Variants in RHOJ observed in about 807,000 individuals in gnomAD.
RHOJ encodes rho-related GTP-binding protein RhoJ.
In RHOJ, 11 loss-of-function variants were observed where a neutral mutation model predicts 23.4. That is an observed-to-expected ratio of 0.47 (90% confidence interval 0.30 to 0.78). The LOEUF is 0.78. RHOJ is among the 30% of genes least tolerant of loss of function. The pLI, the probability that RHOJ is intolerant of heterozygous loss-of-function variation, is 0.08. For missense variants in RHOJ, 254 were observed against 273.4 expected, an observed-to-expected ratio of 0.93 and a Z score of 0.50; for synonymous variants, 102 against 102.7, an observed-to-expected ratio of 0.99 and a Z score of 0.04.
At chr14:63,205,147 G>T in intron 1 of RHOJ, 100 bp downstream of exon 1, 1 of 1,298,744 alleles carries the variant, frequency 7.7e-7, no homozygotes, top group Non-Finnish European at 1.1e-6. Context: ...TCAGTATTGG[G>T]TGCGGGCCTG....
intron 1 of RHOJ, among the ~76,000 whole-genome samples, chr14:63,224,984 G>A (rs1003301376): frequency 8.8e-5 from 12 of 135,594 alleles, no homozygotes; most frequent in Non-Finnish European, 1.5e-4. Flanking sequence ...ATGGGGTCTC[G>A]CCTTGTGGCC....
chr14:63,281,196 A>G, intron 3 of RHOJ, 61 bp downstream of exon 3: 5 of 1,485,884 alleles, frequency 3.4e-6, no homozygotes, highest in Non-Finnish European at 4.5e-6. Context: ...CCCTTTAGGT[A>G]CCTCGTGAAC....
intron 1 of RHOJ, among the ~76,000 whole-genome samples, chr14:63,243,678 C>G (rs1312536977): frequency 3.9e-5 from 6 of 152,102 alleles, no homozygotes; most frequent in African/African-American, 1.4e-4. Flanking sequence ...AGGAGTTAAC[C>G]CCATGACCAA....
chr14:63,233,782 G>A (rs1278286313), intron 1 of RHOJ, among the ~76,000 whole-genome samples: 3 of 152,106 alleles, frequency 2.0e-5, no homozygotes, highest in Non-Finnish European at 4.4e-5. Flanking sequence ...CTTCTCGCTT[G>A]GGACTCATTC....
intron 2 of RHOJ, among the ~76,000 whole-genome samples, chr14:63,275,951 T>A (rs1315314101): frequency 1.3e-5 from 2 of 152,134 alleles, no homozygotes; most frequent in Non-Finnish European, 2.9e-5. Flanking sequence ...CCTGACCCCT[T>A]TACCATATTT....
intron 3 of RHOJ, among the ~76,000 whole-genome samples, chr14:63,282,589 C>T (rs193032752): frequency 1.6e-4 from 25 of 151,934 alleles, no homozygotes; most frequent in Admixed American, 1.5e-3. Context: ...TAGGGACTTG[C>T]CTTCCAGAGC....
intron 1 of RHOJ, among the ~76,000 whole-genome samples, chr14:63,222,245 T>G (rs1173977320): frequency 6.6e-6 from 1 of 152,088 alleles, no homozygotes; most frequent in African/African-American, 2.4e-5. Context: ...TTGGGTTGGT[T>G]CCAAGTCTTT....
Position 63,271,964 on chromosome 14 carries a change from G to A in RHOJ, c.237+2796G>A, listed in dbSNP as rs531991992. Among the ~76,000 whole-genome samples the A allele has an allele frequency of 2.0e-5, 3 of 152,360 alleles. No individual in the cohort carries two copies. The East Asian group carries it at 5.8e-4, about 29-fold the overall frequency. Reference sequence around the variant, plus strand: ...CCATACTTTGAGAGCCACTCAAAGTGTGGTCCACCAACCAGTGGCATCAAC... The same window carrying A: ...CCATACTTTGAGAGCCACTCAAAGTATGGTCCACCAACCAGTGGCATCAAC... On this transcript the variant is annotated intron_variant, in intron 2 of 4. Coordinates refer to ENST00000316754, the MANE Select transcript of RHOJ (RefSeq NM_020663.5).
intron 1 of RHOJ, among the ~76,000 whole-genome samples, chr14:63,210,445 G>A (rs1187139174): frequency 6.6e-6 from 1 of 152,200 alleles, no homozygotes; most frequent in East Asian, 1.9e-4. Context: ...GTAACCCTAA[G>A]TTCGGCTGAC....
At chr14:63,227,451 A>G (rs1054032240) in intron 1 of RHOJ, among the ~76,000 whole-genome samples, 3 of 152,178 alleles carry the variant, frequency 2.0e-5, no homozygotes, top group African/African-American at 4.8e-5. Flanking sequence ...ACAAAGATCC[A>G]CTCTTCCCTA....
chr14:63,261,921 T>C (rs1356184891), intron 1 of RHOJ, among the ~76,000 whole-genome samples: 9 of 152,196 alleles, frequency 5.9e-5, no homozygotes, highest in Admixed American at 5.9e-4. Flanking sequence ...ATATCCAGAA[T>C]CTAGTGTTTC....
intron 1 of RHOJ, among the ~76,000 whole-genome samples, chr14:63,217,088 T>TC (rs1161843400): frequency 0.016 from 346 of 22,228 alleles, 3 homozygotes; most frequent in African/African-American, 0.02. Flanking sequence ...TTTTTTTCTT[T>TC]TTTTTTTTAT....
chr14:63,242,402 A>T (rs967679805), intron 1 of RHOJ, among the ~76,000 whole-genome samples: 3 of 152,156 alleles, frequency 2.0e-5, no homozygotes, highest in Non-Finnish European at 4.4e-5. Flanking sequence ...CCTCATCTCT[A>T]TTTTTAAAAT....
intron 1 of RHOJ, among the ~76,000 whole-genome samples, chr14:63,216,793 T>G (rs1894366414): frequency 2.6e-5 from 4 of 152,218 alleles, no homozygotes; most frequent in African/African-American, 9.6e-5. Flanking sequence ...TAAACTTTGC[T>G]GTAAAGATCC....
intron 1 of RHOJ, among the ~76,000 whole-genome samples, chr14:63,223,089 C>A (rs1894527991): frequency 6.6e-6 from 1 of 152,076 alleles, no homozygotes; most frequent in Admixed American, 6.5e-5. Flanking sequence ...AATCAGTGGA[C>A]CTTGAGTTTG....
chr14:63,272,892 G>T (rs562473257), intron 2 of RHOJ, among the ~76,000 whole-genome samples: 1 of 152,126 alleles, frequency 6.6e-6, no homozygotes, highest in South Asian at 2.1e-4. Context: ...GCATGGTGGC[G>T]CGCACCTGTA....
intron 4 of RHOJ, chr14:63,284,445 C>A: frequency 1.4e-6 from 1 of 740,354 alleles, no homozygotes; most frequent in Non-Finnish European, 1.6e-6. Flanking sequence ...AAGCAGATAG[C>A]GTTGGTCTCA....
intron 1 of RHOJ, among the ~76,000 whole-genome samples, chr14:63,218,978 T>A (rs1229425266): frequency 6.6e-6 from 1 of 152,256 alleles, no homozygotes; most frequent in East Asian, 1.9e-4. Flanking sequence ...TAGAAGAGGG[T>A]TGGGATATAG....
intron 1 of RHOJ, among the ~76,000 whole-genome samples, chr14:63,216,548 C>T (rs181773037): frequency 7.9e-5 from 12 of 152,296 alleles, no homozygotes; most frequent in Admixed American, 6.5e-4. Context: ...AGGAGGAAAA[C>T]AAGGCTATGC....
Sources: gnomAD v4.1 joint callset for allele counts (sites outside exome capture counted in the v4.1 genomes callset) on GRCh38, gnomAD v4.1.1 for gene constraint, MANE v1.5 for transcripts, NCBI Gene and HGNC (gene_info 2026-07-23, HGNC 2026-07-21) for gene names.